FBXL13: variants seen among roughly 807,000 people sequenced by gnomAD.
FBXL13 encodes the protein F-box and leucine-rich repeat protein 13.
Under a neutral mutation model 83.6 loss-of-function variants are expected in FBXL13, and 67 were observed. The observed-to-expected ratio is 0.80, with a 90% CI of 0.66 to 0.98. The LOEUF (loss-of-function observed/expected upper bound fraction) is 0.98. Among genes scored for constraint, FBXL13 ranks in the 50% least tolerant of loss-of-function variants. The pLI is 0.00. For missense variants in FBXL13, 822 were observed against 866.5 expected (o/e 0.95, Z 0.64); for synonymous variants, 272 against 299.5 (o/e 0.91, Z 0.95).
chr7:102,883,735 A>G, intron 12 of FBXL13, 50 bp from the exon 14 acceptor site: 3 of 1,175,822 alleles, frequency 2.6e-6, no homozygotes, highest in Non-Finnish European at 3.7e-6. Context: ...GAACAGGTTT[A>G]GCAAGGTAAT....
intron 16 of FBXL13, among the ~76,000 whole-genome samples, chr7:102,864,890 C>T (rs973910736): frequency 1.3e-5 from 2 of 152,040 alleles, no homozygotes; most frequent in Non-Finnish European, 2.9e-5. Flanking sequence ...AATGGAGGCA[C>T]AGAGAAATTG....
chr7:102,840,373 T>A (rs1802714586), intron 17 of FBXL13, among the ~76,000 whole-genome samples: 1 of 152,256 alleles, frequency 6.6e-6, no homozygotes, highest in African/African-American at 2.4e-5. Flanking sequence ...TACATTTCTC[T>A]AAGTTTATTT....
At chr7:103,034,387 C>G (rs1794855341) in intron 2 of FBXL13, among the ~76,000 whole-genome samples, 1 of 152,208 alleles carries the variant, frequency 6.6e-6, no homozygotes, top group Admixed American at 6.5e-5. Context: ...TGAGCCCTGC[C>G]CCACGGGAAG....
chr7:102,937,397 C>A (rs576789826), intron 8 of FBXL13, among the ~76,000 whole-genome samples: 28 of 149,048 alleles, frequency 1.9e-4, no homozygotes, highest in Middle Eastern at 3.5e-3. Context: ...ATCCCACCTA[C>A]TTGGGAGGCT....
At chr7:102,939,837 T>G (rs1479932477) in intron 8 of FBXL13, among the ~76,000 whole-genome samples, 1 of 152,188 alleles carries the variant, frequency 6.6e-6, no homozygotes, top group African/African-American at 2.4e-5. Context: ...AAATAGTGTG[T>G]TATAGATTTT....
At chr7:102,855,273 A>C (rs1213305310) in intron 16 of FBXL13, among the ~76,000 whole-genome samples, 1 of 152,206 alleles carries the variant, frequency 6.6e-6, no homozygotes, top group Admixed American at 6.5e-5. Context: ...ACATCTAAAA[A>C]TCTTTAGCTC....
intron 18 of FBXL13, among the ~76,000 whole-genome samples, chr7:102,826,724 CATA>C (rs1194128068): frequency 1.9e-4 from 12 of 62,712 alleles, no homozygotes; most frequent in African/African-American, 5.5e-4. Flanking sequence ...GACCCTGTCT[CATA>C]TATATATATA....
intron 6 of FBXL13, among the ~76,000 whole-genome samples, chr7:103,010,264 T>C (rs1791461570): frequency 6.6e-6 from 1 of 151,586 alleles, no homozygotes; most frequent in African/African-American, 2.4e-5. Context: ...CCCACTCCTA[T>C]GTGAACTTAG....
intron 7 of FBXL13, among the ~76,000 whole-genome samples, chr7:102,967,792 A>G (rs747736645): frequency 6.6e-5 from 10 of 152,264 alleles, no homozygotes; most frequent in Non-Finnish European, 1.3e-4. Context: ...ATATTCATTT[A>G]TATCTACCAT....
intron 11 of FBXL13, among the ~76,000 whole-genome samples, chr7:102,888,439 T>C (rs906540234): frequency 3.9e-5 from 6 of 152,254 alleles, no homozygotes; most frequent in Non-Finnish European, 7.3e-5. Context: ...CTCAGGAGGC[T>C]GAGGCAGGAG....
At chr7:103,026,177 C>T (rs1176000940) in intron 5 of FBXL13, among the ~76,000 whole-genome samples, 2 of 151,884 alleles carry the variant, frequency 1.3e-5, no homozygotes, top group Non-Finnish European at 2.9e-5. Context: ...TCGCTTTTGT[C>T]GCCCAGGCTG....
chr7:102,970,324 AAAT>A (rs1489946163), intron 6 of FBXL13, among the ~76,000 whole-genome samples: 1 of 152,212 alleles, frequency 6.6e-6, no homozygotes, highest in Non-Finnish European at 1.5e-5. Context: ...GGTTAAACAG[AAAT>A]AATAATAAAT....
intron 11 of FBXL13, among the ~76,000 whole-genome samples, chr7:102,888,797 G>A (rs1811133620): frequency 6.6e-6 from 1 of 152,124 alleles, no homozygotes; most frequent in Admixed American, 6.5e-5. Context: ...AAGTCCAGGG[G>A]AGAGGAATGA....
At chr7:103,061,571 C>T (rs1797905340) in intron 1 of FBXL13, among the ~76,000 whole-genome samples, 1 of 152,090 alleles carries the variant, frequency 6.6e-6, no homozygotes, top group Non-Finnish European at 1.5e-5. Flanking sequence ...ATGGGCAGGG[C>T]AGTCCCTTGC....
At chr7:103,031,989 T>A (rs1274987607) in intron 2 of FBXL13, among the ~76,000 whole-genome samples, 1 of 152,178 alleles carries the variant, frequency 6.6e-6, no homozygotes, top group East Asian at 1.9e-4. Context: ...GTCTTATTCC[T>A]CATGTACACT....
chr7:102,880,199 A>G (rs1305589352), intron 14 of FBXL13, among the ~76,000 whole-genome samples: 24 of 152,230 alleles, frequency 1.6e-4, no homozygotes, highest in Non-Finnish European at 2.9e-5. Flanking sequence ...TTGTCCATGC[A>G]TGATTTTTTA....
chr7:102,877,431 C>T, intron 16 of FBXL13, 36 bp downstream of exon 17: 1 of 1,487,426 alleles, frequency 6.7e-7, no homozygotes, highest in Non-Finnish European at 9.0e-7. Flanking sequence ...TTATAGAAAA[C>T]AATAAAAGTC....
At chr7:103,030,040 T>C (rs1321401929) in intron 2 of FBXL13, 2 of 152,212 alleles carry the variant, frequency 1.3e-5, no homozygotes, top group Non-Finnish European at 2.9e-5. Context: ...TATATGCACA[T>C]GGCTACTGTT....
chr7:103,017,554 G>A lies in FBXL13; in HGVS notation c.495+7509C>T, dbSNP rs572251898. Among the ~76,000 whole-genome samples, 23 of 152,288 alleles carry A rather than the reference G, an allele frequency of 1.5e-4. No individual in the cohort carries two copies. The South Asian group carries it at 1.9e-3, about 12-fold the overall frequency. ...GCTAAAGAGGAAGTTCGAACCCATC[G>A]TAAAGACGCTAAAAACCTTGAAAAA... On this transcript the variant is annotated intron_variant, in intron 6 of 19. Transcript: ENST00000313221.
Sources: allele counts gnomAD v4.1 joint callset (sites outside exome capture counted in the v4.1 genomes callset), GRCh38; gene constraint gnomAD v4.1.1; transcripts MANE v1.5; gene names NCBI Gene and HGNC (gene_info 2026-07-23, HGNC 2026-07-21).